Variants in RTL8A observed in about 807,000 individuals in gnomAD.
RTL8A encodes retrotransposon Gag like 8A.
In RTL8A, 4 loss-of-function variants were observed where a neutral mutation model predicts 4.4. The ratio of observed to expected loss-of-function variants is 0.92; its 90% CI spans 0.45 to 2.10. RTL8A has a LOEUF of 2.10. RTL8A is among the 30% of genes most tolerant of loss of function. The probability of loss-of-function intolerance (pLI) is 0.03; values close to 1 mark genes in which losing one functional copy is unlikely to be tolerated. For synonymous variants in RTL8A, 47 were observed against 45.3 expected (o/e 1.04, Z -0.15); for missense variants, 84 against 99.4 (o/e 0.85, Z 0.66).
At position 135,051,683 on chromosome X, in the gene RTL8A, G is replaced by T. The variant is rs1299094642; in HGVS notation, c.*84C>A. 10 of 1,140,774 alleles carry T rather than the reference G, an allele frequency of 8.8e-6. No homozygotes were observed. The highest frequency in any genetic ancestry group is 1.8e-5 in the African/African-American group (1 of 54,593). The allele number at this position is 1,140,774 out of a possible 1,213,427, so 94.0% of individuals were successfully genotyped here. On this transcript the variant is annotated 3_prime_UTR_variant, in exon 1 of 1. Transcript: ENST00000370775. ...AGGGGGAGGGAGGCGCGGAGGGAGG[G>T]CGCCTGTGGAGACCCTAGCGGTGGC...
Position 135,052,099 on chromosome X carries a change from G to T in RTL8A, c.10C>A (p.Arg4=), listed in dbSNP as rs374739071. MDG[R]VQLMKALLAG... ...AGGAGGGCCTTCATCAGCTGCACCC[G>T]ACCGTCCATCGTGCCGCGCGCGCTC... The change falls in exon 1 of 1, where the codon CGG becomes AGG. Residue 4 remains arginine, a synonymous_variant. Transcript: ENST00000370775. The T allele has an allele frequency of 1.2e-5, 14 of 1,199,229 alleles. No individual in the cohort carries two copies. Among genetic ancestry groups the T allele is most frequent in the Non-Finnish European group, 1.2e-5 (11 of 889,294 alleles).
Position 135,051,561 on chromosome X carries a change from CCAGGAGCTGCAG to C in RTL8A, c.*194_*205del. The C allele has an allele frequency of 8.9e-7, 1 of 1,118,743 alleles. No individual in the cohort carries two copies. The highest frequency in any genetic ancestry group is 3.3e-5 in the East Asian group (1 of 30,166). 92.2% of individuals were successfully genotyped at this position (1,118,743 alleles called of 1,213,427 possible). On this transcript the variant is annotated 3_prime_UTR_variant, in exon 1 of 1. Transcript: ENST00000370775. ...GAGGCAGCGCGCTCTAGAGTGCGGC[CCAGGAGCTGCAG>C]CAGGAGCCTGGAGCGCTATTCCTGG...
In RTL8A at chrX:135,051,370, T is replaced by C; in HGVS notation, c.*397A>G. On this transcript the variant is annotated 3_prime_UTR_variant, in exon 1 of 1. Coordinates refer to ENST00000370775, the MANE Select transcript of RTL8A (RefSeq NM_001078172.2). ...GGCGATGGCAGTGGTAGCGTAGGTC[T>C]GTGGGCAGAATGATGTAGTTGGCTG... 9.9e-7 allele frequency: 1 copy of C among 1,015,067 alleles called. No homozygotes were observed. The highest frequency in any genetic ancestry group is 1.3e-6 in the Non-Finnish European group (1 of 776,693). The allele number at this position is 1,015,067 out of a possible 1,213,427, so 83.7% of individuals were successfully genotyped here. A position where few individuals can be genotyped will look rare whatever the true frequency, so the allele number is the denominator to read the frequency against.
At position 135,052,070 on chromosome X, in the gene RTL8A, G is replaced by C. The variant is rs754925872; in HGVS notation, c.39C>G (p.Ala13=). The change falls in exon 1 of 1, where the codon GCC becomes GCG. Residue 13 remains alanine, a synonymous_variant. Transcript: ENST00000370775. ...GRVQLMKALL[A]GPLRPAARRW... ...GACGCGCCGCGGGCCGGAGGGGCCC[G>C]GCCAGGAGGGCCTTCATCAGCTGCA... The C allele has an allele frequency of 3.6e-5, 43 of 1,208,686 alleles. No individual in the cohort carries two copies. Among genetic ancestry groups the C allele is most frequent in the Non-Finnish European group, 4.7e-5 (42 of 894,023 alleles).
rs1439825903 is a variant in RTL8A, at chrX:135,051,199, G to A, written c.*568C>T. 1.5e-5 allele frequency: 10 copies of A among 659,937 alleles called. No homozygotes were observed. Among genetic ancestry groups the A allele is most frequent in the Admixed American group, 1.2e-4 (4 of 32,430 alleles). The allele number at this position is 659,937 out of a possible 1,213,427, so 54.4% of individuals were successfully genotyped here. Reference sequence around the variant, plus strand: ...CACAAGAGGTCTCTGGGGATGGGGAGGAAATGGGTCTCGCTGAAGGTGACA... The same window carrying A: ...CACAAGAGGTCTCTGGGGATGGGGAAGAAATGGGTCTCGCTGAAGGTGACA... On this transcript the variant is annotated 3_prime_UTR_variant, in exon 1 of 1. Transcript: ENST00000370775.
rs903681752 is a variant in RTL8A at position 135,051,211 on chromosome X, C to T, written c.*556G>A. The T allele has an allele frequency of 1.3e-5, 10 of 748,093 alleles. No individual in the cohort carries two copies. The highest frequency in any genetic ancestry group is 9.2e-5 in the Admixed American group (3 of 32,630). 61.7% of individuals were successfully genotyped at this position (748,093 alleles called of 1,213,427 possible). A position where few individuals can be genotyped will look rare whatever the true frequency, so the allele number is the denominator to read the frequency against. ...CTGGGGATGGGGAGGAAATGGGTCT[C>T]GCTGAAGGTGACAGGCTCCTTGGGG... On this transcript the variant is annotated 3_prime_UTR_variant, in exon 1 of 1. Coordinates refer to ENST00000370775, the MANE Select transcript of RTL8A (RefSeq NM_001078172.2).
chrX:135,051,396 G>A lies in RTL8A; in HGVS notation c.*371C>T. ...GTGGGCAGAATGATGTAGTTGGCTG[G>A]CAGTCTGGAGGAGTGGAGGTGGGTT... On this transcript the variant is annotated 3_prime_UTR_variant, in exon 1 of 1. Coordinates refer to ENST00000370775, the MANE Select transcript of RTL8A (RefSeq NM_001078172.2). 1 of 1,040,342 alleles carries A rather than the reference G, an allele frequency of 9.6e-7. No individual in the cohort carries two copies. The highest frequency in any genetic ancestry group is 1.3e-6 in the Non-Finnish European group (1 of 792,411). 85.7% of individuals were successfully genotyped at this position (1,040,342 alleles called of 1,213,427 possible).
chrX:135,051,569 T>A lies in RTL8A; in HGVS notation c.*198A>T, dbSNP rs775410910. On this transcript the variant is annotated 3_prime_UTR_variant, in exon 1 of 1. Coordinates refer to ENST00000370775, the MANE Select transcript of RTL8A (RefSeq NM_001078172.2). ...GCGCTCTAGAGTGCGGCCCAGGAGC[T>A]GCAGCAGGAGCCTGGAGCGCTATTC... The A allele has an allele frequency of 6.3e-4, 701 of 1,116,370 alleles. 6 individuals carry two copies. The highest frequency in any genetic ancestry group is 3.4e-4 in the Middle Eastern group (1 of 2,955). 92.0% of individuals were successfully genotyped at this position (1,116,370 alleles called of 1,213,427 possible).
Position 135,052,124 on chromosome X carries a change from C to T in RTL8A, c.-16G>A. The T allele has an allele frequency of 2.5e-6, 3 of 1,186,461 alleles. No homozygotes were observed. The highest frequency in any genetic ancestry group is 3.4e-6 in the Non-Finnish European group (3 of 883,017). On this transcript the variant is annotated 5_prime_UTR_variant, in exon 1 of 1. Transcript: ENST00000370775. ...GACCGTCCATCGTGCCGCGCGCGCT[C>T]CGCGGAGTTTCGCTGGGTTGCGTGG...
At position 135,051,419 on chromosome X, in the gene RTL8A, G is replaced by T; in HGVS notation, c.*348C>A. 2 of 1,065,414 alleles carry T rather than the reference G, an allele frequency of 1.9e-6. No homozygotes were observed. Among genetic ancestry groups the T allele is most frequent in the East Asian group, 4.8e-5 (1 of 20,820 alleles). The allele number at this position is 1,065,414 out of a possible 1,213,427, so 87.8% of individuals were successfully genotyped here. A position where few individuals can be genotyped will look rare whatever the true frequency, so the allele number is the denominator to read the frequency against. On this transcript the variant is annotated 3_prime_UTR_variant, in exon 1 of 1. Coordinates refer to ENST00000370775, the MANE Select transcript of RTL8A (RefSeq NM_001078172.2). ...TGGCAGTCTGGAGGAGTGGAGGTGG[G>T]TTGGCAGCAGCGGCTGTGGGTGGTC...
chrX:135,051,880 G>A lies in RTL8A; in HGVS notation c.229C>T (p.Leu77=), dbSNP rs772770497. The A allele has an allele frequency of 1.2e-5, 15 of 1,210,104 alleles. No homozygotes were observed. Among genetic ancestry groups the A allele is most frequent in the African/African-American group, 1.7e-5 (1 of 57,552 alleles). ...FLITRLTGPA[L]QWVIPYIRKE... is the part of the protein sequence containing the mutation. ...CTGATGTAGGGGATCACCCACTGCAGGGCTGGCCCCGTGAGGCGGGTGATG... is the reference window on the plus strand; with the variant it reads ...CTGATGTAGGGGATCACCCACTGCAAGGCTGGCCCCGTGAGGCGGGTGATG... The change falls in exon 1 of 1, where the codon CTG becomes TTG. Residue 77 remains leucine, a synonymous_variant. Transcript: ENST00000370775.
Position 135,051,167 on chromosome X carries a change from G to GCAGGAACACAAGAGGTCT in RTL8A, c.*582_*599dup, listed in dbSNP as rs2083334624. ...ACACTTAAGCCCTGGCAGCTATGTG[G>GCAGGAACACAAGAGGTCT]CAGGAACACAAGAGGTCTCTGGGGA... On this transcript the variant is annotated 3_prime_UTR_variant, in exon 1 of 1. Transcript: ENST00000370775. The GCAGGAACACAAGAGGTCT allele has an allele frequency of 2.2e-6, 1 of 445,373 alleles. No homozygotes were observed. The highest frequency in any genetic ancestry group is 3.7e-6 in the Non-Finnish European group (1 of 268,950). The allele number at this position is 445,373 out of a possible 1,213,427, so 36.7% of individuals were successfully genotyped here. A position where few individuals can be genotyped will look rare whatever the true frequency, so the allele number is the denominator to read the frequency against.
Position 135,052,077 on chromosome X carries a change from A to G in RTL8A, c.32T>C (p.Leu11Pro). Residue 11 changes from leucine to proline, a missense_variant, in exon 1 of 1, where the codon CTC (leucine) becomes CCC (proline). Transcript: ENST00000370775. ...CGCGGGCCGGAGGGGCCCGGCCAGG[A>G]GGGCCTTCATCAGCTGCACCCGACC... MDGRVQLMKA[L>P]LAGPLRPAAR... is the part of the protein sequence containing the mutation. 1 of 1,209,081 alleles carries G rather than the reference A, an allele frequency of 8.3e-7. No individual in the cohort carries two copies. The highest frequency in any genetic ancestry group is 1.1e-6 in the Non-Finnish European group (1 of 894,036).
At position 135,051,338 on chromosome X, in the gene RTL8A, G is replaced by A. The variant is rs1481030451; in HGVS notation, c.*429C>T. The A allele has an allele frequency of 5.0e-6, 5 of 995,461 alleles. No homozygotes were observed. Among genetic ancestry groups the A allele is most frequent in the African/African-American group, 2.0e-5 (1 of 51,254 alleles). 82.0% of individuals were successfully genotyped at this position (995,461 alleles called of 1,213,427 possible). On this transcript the variant is annotated 3_prime_UTR_variant, in exon 1 of 1. Coordinates refer to ENST00000370775, the MANE Select transcript of RTL8A (RefSeq NM_001078172.2). ...GAGCCACAGTCTGTTGGTGAGATGC[G>A]GTGGATGGCGATGGCAGTGGTAGCG...
rs992644711 is a variant in RTL8A, at chrX:135,051,907, G to C, written c.202C>G (p.Leu68Val). ...FSNDALKVTF[L>V]ITRLTGPALQ... ...GCTGGCCCCGTGAGGCGGGTGATGA[G>C]GAACGTCACCTTCAGGGCGTCGTTG... The change falls in exon 1 of 1, where the codon CTC becomes GTC. Residue 68 changes from leucine (L) to valine (V), a missense_variant. Leu to Val is a conservative substitution (Grantham distance 32). Coordinates refer to ENST00000370775, the MANE Select transcript of RTL8A (RefSeq NM_001078172.2). The C allele has an allele frequency of 5.8e-6, 7 of 1,210,700 alleles. No homozygotes were observed. Among genetic ancestry groups the C allele is most frequent in the Non-Finnish European group, 6.7e-6 (6 of 895,124 alleles).
rs2083337102 is a variant in RTL8A at position 135,051,444 on chromosome X, C to G, written c.*323G>C. The G allele has an allele frequency of 9.1e-7, 1 of 1,092,962 alleles. No individual in the cohort carries two copies. Among genetic ancestry groups the G allele is most frequent in the Admixed American group, 2.7e-5 (1 of 36,488 alleles). 90.1% of individuals were successfully genotyped at this position (1,092,962 alleles called of 1,213,427 possible). A position where few individuals can be genotyped will look rare whatever the true frequency, so the allele number is the denominator to read the frequency against. On this transcript the variant is annotated 3_prime_UTR_variant, in exon 1 of 1. Transcript: ENST00000370775. The stretch of plus-strand genomic sequence containing the variant: ...GTTGGCAGCAGCGGCTGTGGGTGGT[C>G]TGTCCAGTATGTAACAGGAGCCCAG...
rs777430132 is a variant in RTL8A at position 135,052,082 on chromosome X, C to T, written c.27G>A (p.Lys9=). The part of the protein sequence containing the change: MDGRVQLM[K]ALLAGPLRPA... ...GCCGGAGGGGCCCGGCCAGGAGGGC[C>T]TTCATCAGCTGCACCCGACCGTCCA... The change falls in exon 1 of 1, where the codon AAG becomes AAA. Residue 9 remains lysine (K), a synonymous_variant. Transcript: ENST00000370775. 7 of 1,207,671 alleles carry T rather than the reference C, an allele frequency of 5.8e-6. No homozygotes were observed. Among genetic ancestry groups the T allele is most frequent in the Non-Finnish European group, 7.8e-6 (7 of 893,353 alleles).
In RTL8A at chrX:135,051,586, G is replaced by C; in HGVS notation, c.*181C>G. On this transcript the variant is annotated 3_prime_UTR_variant, in exon 1 of 1. Coordinates refer to ENST00000370775, the MANE Select transcript of RTL8A (RefSeq NM_001078172.2). ...CCAGGAGCTGCAGCAGGAGCCTGGA[G>C]CGCTATTCCTGGAACAAAGGCAAGC... 1.8e-6 allele frequency: 2 copies of C among 1,113,796 alleles called. No homozygotes were observed. The highest frequency in any genetic ancestry group is 2.4e-6 in the Non-Finnish European group (2 of 846,463). The allele number at this position is 1,113,796 out of a possible 1,213,427, so 91.8% of individuals were successfully genotyped here.
In RTL8A at chrX:135,051,397, C is replaced by A. The variant is rs2148426163; in HGVS notation, c.*370G>T. On this transcript the variant is annotated 3_prime_UTR_variant, in exon 1 of 1. Transcript: ENST00000370775. Reference sequence around the variant, plus strand: ...TGGGCAGAATGATGTAGTTGGCTGGCAGTCTGGAGGAGTGGAGGTGGGTTG... The same window carrying A: ...TGGGCAGAATGATGTAGTTGGCTGGAAGTCTGGAGGAGTGGAGGTGGGTTG... The A allele has an allele frequency of 9.6e-7, 1 of 1,041,053 alleles. No homozygotes were observed. The highest frequency in any genetic ancestry group is 5.4e-5 in the East Asian group (1 of 18,410). The allele number at this position is 1,041,053 out of a possible 1,213,427, so 85.8% of individuals were successfully genotyped here.
Sources: allele counts gnomAD v4.1 joint callset, GRCh38; gene constraint gnomAD v4.1.1; transcripts MANE v1.5; gene names NCBI Gene and HGNC (gene_info 2026-07-23, HGNC 2026-07-21).